Variants in FARP1 observed in about 807,000 individuals in gnomAD.
FARP1 encodes FERM, ARH/RhoGEF and pleckstrin domain protein 1, also known as FERM, ARHGEF and pleckstrin domain-containing protein 1.
FARP1 carries 52 observed loss-of-function variants against 128.8 expected under a neutral mutation model. The observed-to-expected ratio is 0.40, with a 90% CI of 0.32 to 0.51. FARP1 has a LOEUF of 0.51. Ranked by LOEUF, FARP1 falls within the 20% of genes least tolerant of loss-of-function variation. FARP1 has a pLI of 0.45. For synonymous variants in FARP1, 580 were observed against 551.8 expected (o/e 1.05, Z -0.72); for missense variants, 1,333 against 1,367.9 (o/e 0.97, Z 0.40).
intron 1 of FARP1, among the ~76,000 whole-genome samples, chr13:98,210,542 C>T (rs954274149): frequency 7.5e-6 from 1 of 133,890 alleles, no homozygotes; most frequent in African/African-American, 2.8e-5. Context: ...CTTTCTTTTT[C>T]GTTTTTCTAT....
In FARP1 at chr13:98,246,196, C is replaced by T. The variant is rs372349635; in HGVS notation, c.171+32783C>T. Among the ~76,000 whole-genome samples, 94 of 144,178 alleles carry T rather than the reference C, an allele frequency of 6.5e-4. No homozygotes were observed. In the South Asian group the frequency reaches 0.016, roughly 25 times the overall value. 94.6% of individuals were successfully genotyped at this position (144,178 alleles called of 152,430 possible). ...TGCAGGCTCCGCCCCCTGGGGTTCA[C>T]GCCATTCTCCTGCCTCAGCCTCCCG... On this transcript the variant is annotated intron_variant, in intron 2 of 26. Coordinates refer to ENST00000319562, the MANE Select transcript of FARP1 (RefSeq NM_005766.4).
rs765509276 is a variant in FARP1, at chr13:98,449,165, A to T, written c.*848A>T. 3 of 152,210 alleles carry T rather than the reference A, an allele frequency of 2.0e-5. No individual in the cohort carries two copies. Among genetic ancestry groups the T allele is most frequent in the Non-Finnish European group, 4.4e-5 (3 of 68,054 alleles). The allele number at this position is 152,210 out of a possible 1,614,324, so 9.4% of individuals were successfully genotyped here. On this transcript the variant is annotated 3_prime_UTR_variant, in exon 27 of 27. Transcript: ENST00000319562. The stretch of plus-strand genomic sequence containing the variant: ...GTCATTGATCAGCACCATTTGTGGT[A>T]TGTTCCGTGATGAGCGTTTAGTGAG...
At chr13:98,440,567 T>A in intron 23 of FARP1, 103 bp from the exon 24 acceptor site, 2 of 1,235,904 alleles carry the variant, frequency 1.6e-6, no homozygotes, top group Non-Finnish European at 1.1e-6. Flanking sequence ...CACCACAGGT[T>A]GTGACTGCTG....
At chr13:98,287,204 A>AGGCCTTTTT (rs1327624660) in intron 2 of FARP1, among the ~76,000 whole-genome samples, 7 of 114,846 alleles carry the variant, frequency 6.1e-5, no homozygotes, top group Non-Finnish European at 1.3e-4. Context: ...ACCATCAGAC[A>AGGCCTTTTT]TGTCTTTTTT....
rs1405621803 is a variant in FARP1 at position 98,378,908 on chromosome 13, T to A, written c.496+990T>A. On this transcript the variant is annotated intron_variant, in intron 6 of 26. Transcript: ENST00000319562. The stretch of plus-strand genomic sequence containing the variant: ...TGTGCCAGCACTATATATATATATA[T>A]AATATATATATAATATATACAATAT... Among the ~76,000 whole-genome samples the A allele has an allele frequency of 1.8e-4, 20 of 108,914 alleles. 2 individuals carry two copies. In the South Asian group the frequency reaches 2.3e-3, roughly 12 times the overall value. 71.5% of individuals were successfully genotyped at this position (108,914 alleles called of 152,430 possible).
chr13:98,181,710 C>A (rs1287816745), intron 1 of FARP1, among the ~76,000 whole-genome samples: 2 of 150,762 alleles, frequency 1.3e-5, no homozygotes, highest in Non-Finnish European at 2.9e-5. Context: ...TTCAGTGTAA[C>A]CTCAAACTCC....
intron 2 of FARP1, among the ~76,000 whole-genome samples, chr13:98,278,310 G>A (rs575941807): frequency 6.7e-6 from 1 of 150,326 alleles, no homozygotes; most frequent in African/African-American, 2.5e-5. Flanking sequence ...GTGTGTGAGA[G>A]TATACTGCAA....
chr13:98,268,804 G>A (rs1884256603), intron 2 of FARP1, among the ~76,000 whole-genome samples: 1 of 151,708 alleles, frequency 6.6e-6, no homozygotes, highest in Non-Finnish European at 1.5e-5. Context: ...GTGTGTGTGT[G>A]TGTGTGTGTG....
intron 16 of FARP1, among the ~76,000 whole-genome samples, chr13:98,423,681 T>C (rs546233937): frequency 6.6e-6 from 1 of 152,318 alleles, no homozygotes; most frequent in South Asian, 2.1e-4. Flanking sequence ...TCGTGGTTTC[T>C]TCATGCTTCT....
intron 2 of FARP1, among the ~76,000 whole-genome samples, chr13:98,247,445 C>T (rs76282342): frequency 2.0e-5 from 3 of 152,168 alleles, no homozygotes; most frequent in Admixed American, 6.5e-5. Flanking sequence ...GGGTCACTAA[C>T]GCAGACAGAC....
At chr13:98,278,626 A>T (rs74108740) in intron 2 of FARP1, among the ~76,000 whole-genome samples, 1 of 152,100 alleles carries the variant, frequency 6.6e-6, no homozygotes, top group African/African-American at 2.4e-5. Context: ...ACTACTCATC[A>T]GTAAACCTGT....
intron 2 of FARP1, among the ~76,000 whole-genome samples, chr13:98,311,672 A>G (rs1360039165): frequency 6.6e-6 from 1 of 152,068 alleles, no homozygotes; most frequent in East Asian, 1.9e-4. Context: ...CACTTTAAAA[A>G]TCTTATCCTT....
At chr13:98,232,180 A>T (rs1594300593) in intron 2 of FARP1, among the ~76,000 whole-genome samples, 1 of 123,084 alleles carries the variant, frequency 8.1e-6, no homozygotes, top group Non-Finnish European at 1.6e-5. Flanking sequence ...TAACTAATGA[A>T]TCTTTAGGGG....
intron 19 of FARP1, among the ~76,000 whole-genome samples, chr13:98,436,677 T>C (rs1450306718): frequency 1.3e-5 from 2 of 152,202 alleles, no homozygotes; most frequent in Non-Finnish European, 2.9e-5. Flanking sequence ...AGCCACGTTG[T>C]GAGAGATTGT....
In FARP1 at chr13:98,207,945, C is replaced by CACACACACAG. The variant is rs1366643172; in HGVS notation, c.-23-5266_-23-5265insGACACACACA. ...ACACACACACACACACACACACACA[C>CACACACACAG]ACACACACACACACACACACACACT... On this transcript the variant is annotated intron_variant, in intron 1 of 26. Transcript: ENST00000319562. 2.0e-5 allele frequency among the ~76,000 whole-genome samples: 3 copies of CACACACACAG among 149,150 alleles called. No homozygotes were observed. The East Asian group carries it at 5.9e-4, about 30-fold the overall frequency.
intron 13 of FARP1, among the ~76,000 whole-genome samples, chr13:98,407,711 G>T (rs1891035872): frequency 6.6e-6 from 1 of 152,088 alleles, no homozygotes; most frequent in Non-Finnish European, 1.5e-5. Context: ...GTAGTCCGTG[G>T]GCAGGACGTC....
At chr13:98,389,903 A>T in intron 9 of FARP1, 54 bp from the exon 10 acceptor site, 1 of 1,545,950 alleles carries the variant, frequency 6.5e-7, no homozygotes, top group Non-Finnish European at 8.9e-7. Flanking sequence ...CTCCTATTTC[A>T]GTGGTGTATC....
chr13:98,371,233 T>C (rs1889313828), intron 5 of FARP1, among the ~76,000 whole-genome samples: 1 of 121,776 alleles, frequency 8.2e-6, no homozygotes, highest in African/African-American at 2.8e-5. Flanking sequence ...TTTTTTTTTT[T>C]TCATTAAAAA....
chr13:98,362,474 G>A (rs1255828856), intron 3 of FARP1, among the ~76,000 whole-genome samples: 1 of 152,094 alleles, frequency 6.6e-6, no homozygotes, highest in Non-Finnish European at 1.5e-5. Context: ...CTTCCTTTGC[G>A]GACACTGTCA....
Sources: gnomAD v4.1 joint callset for allele counts (sites outside exome capture counted in the v4.1 genomes callset) on GRCh38, gnomAD v4.1.1 for gene constraint, MANE v1.5 for transcripts, NCBI Gene and HGNC (gene_info 2026-07-23, HGNC 2026-07-21) for gene names.